SKIC3: variants seen among roughly 807,000 people sequenced by gnomAD.
SKIC3 encodes superkiller complex protein 3.
the SKIC3 span, among the ~76,000 whole-genome samples, chr5:95,554,689 G>C: frequency 6.6e-6 from 1 of 152,250 alleles, no homozygotes; most frequent in East Asian, 1.9e-4. Flanking sequence ...TATTCGGGGG[G>C]GTCTAAGGCA....
chr5:95,548,152 A>G, the SKIC3 span, among the ~76,000 whole-genome samples: 2 of 152,068 alleles, frequency 1.3e-5, no homozygotes, highest in Non-Finnish European at 2.9e-5. Context: ...TGAAAAAAAG[A>G]AATATTTGTA....
the SKIC3 span, among the ~76,000 whole-genome samples, chr5:95,527,743 C>T: frequency 6.6e-6 from 1 of 151,996 alleles, no homozygotes; most frequent in African/African-American, 2.4e-5. Flanking sequence ...GTAGTAATAA[C>T]CTAAGAGGGC....
the SKIC3 span, among the ~76,000 whole-genome samples, chr5:95,476,844 C>A: frequency 6.6e-6 from 1 of 152,140 alleles, no homozygotes; most frequent in Admixed American, 6.5e-5. Context: ...ATTTCTTCAT[C>A]TGTCAAATAG....
the SKIC3 span, among the ~76,000 whole-genome samples, chr5:95,548,985 G>T: frequency 6.6e-5 from 10 of 151,962 alleles, no homozygotes; most frequent in African/African-American, 2.4e-4. Context: ...CAAGCTATTT[G>T]CTGTGCACGA....
the SKIC3 span, among the ~76,000 whole-genome samples, chr5:95,545,308 G>C: frequency 6.6e-6 from 1 of 151,962 alleles, no homozygotes; most frequent in African/African-American, 2.4e-5. Flanking sequence ...TCACGTCCTT[G>C]CATCCCTGCT....
the SKIC3 span, among the ~76,000 whole-genome samples, chr5:95,540,061 T>A: frequency 6.6e-6 from 1 of 152,090 alleles, no homozygotes; most frequent in Non-Finnish European, 1.5e-5. Flanking sequence ...TACATATAGA[T>A]AGACACAGAC....
chr5:95,505,005 TA>T, the SKIC3 span, among the ~76,000 whole-genome samples: 8 of 147,156 alleles, frequency 5.4e-5, no homozygotes, highest in Admixed American at 6.8e-5. Context: ...AACTCCATCT[TA>T]AAAAAAAAAG....
the SKIC3 span, chr5:95,543,440 C>A: frequency 8.3e-7 from 1 of 1,211,628 alleles, no homozygotes; most frequent in South Asian, 1.3e-5. Flanking sequence ...CTTAACAGGG[C>A]AAACTTCAGA....
chr5:95,516,222 C>A, the SKIC3 span: 1 of 836,662 alleles, frequency 1.2e-6, no homozygotes. Flanking sequence ...AATTAACTAG[C>A]ATACTGGAGA....
chr5:95,517,738 A>G, the SKIC3 span, among the ~76,000 whole-genome samples: 1 of 152,084 alleles, frequency 6.6e-6, no homozygotes, highest in Non-Finnish European at 1.5e-5. Context: ...TTTTGCTTTT[A>G]GATCTTCTCT....
At chr5:95,498,433 G>A in the SKIC3 span, 14 of 1,613,978 alleles carry the variant, frequency 8.7e-6, no homozygotes, top group South Asian at 3.3e-5. Context: ...TGCATAAATC[G>A]CTGATGTAAG....
the SKIC3 span, among the ~76,000 whole-genome samples, chr5:95,483,500 CCT>C: frequency 6.6e-6 from 1 of 152,008 alleles, no homozygotes; most frequent in Non-Finnish European, 1.5e-5. Context: ...TGTGTAATAC[CCT>C]GTCCTGAACT....
At chr5:95,480,452 T>C in the SKIC3 span, among the ~76,000 whole-genome samples, 1 of 152,144 alleles carries the variant, frequency 6.6e-6, no homozygotes, top group African/African-American at 2.4e-5. Flanking sequence ...ATACGAAAAG[T>C]TGTTTGATGT....
At chr5:95,514,632 G>C in the SKIC3 span, among the ~76,000 whole-genome samples, 1 of 152,112 alleles carries the variant, frequency 6.6e-6, no homozygotes, top group Non-Finnish European at 1.5e-5. Context: ...GGAGCTCTGA[G>C]TTTCTATTTC....
the SKIC3 span, among the ~76,000 whole-genome samples, chr5:95,474,801 T>C: frequency 6.6e-6 from 1 of 152,238 alleles, no homozygotes; most frequent in African/African-American, 2.4e-5. Context: ...TTTGTTCATT[T>C]TAAAACATTC....
chr5:95,543,386 A>G, the SKIC3 span: 3 of 1,567,722 alleles, frequency 1.9e-6, no homozygotes, highest in African/African-American at 2.7e-5. Flanking sequence ...ATGAACTAAC[A>G]ATAACAGAAA....
chr5:95,484,507 C>T, the SKIC3 span, among the ~76,000 whole-genome samples: 18 of 151,872 alleles, frequency 1.2e-4, no homozygotes, highest in South Asian at 2.5e-3. Context: ...TCACCAGGAC[C>T]GGTTAATTTT....
chr5:95,524,684 G>T, the SKIC3 span: 1 of 1,561,152 alleles, frequency 6.4e-7, no homozygotes, highest in Non-Finnish European at 8.7e-7. Context: ...AACAATCAAA[G>T]TTTGAGTGAT....
chr5:95,488,972 A>T, the SKIC3 span, among the ~76,000 whole-genome samples: 1 of 152,046 alleles, frequency 6.6e-6, no homozygotes, highest in Non-Finnish European at 1.5e-5. Context: ...TGAATGGATT[A>T]AAAAAAATTA....
Sources: gnomAD v4.1 joint callset for allele counts (sites outside exome capture counted in the v4.1 genomes callset) on GRCh38, gnomAD v4.1.1 for gene constraint, MANE v1.5 for transcripts, NCBI Gene and HGNC (gene_info 2026-07-23, HGNC 2026-07-21) for gene names.